XPO6: variants seen among roughly 807,000 people sequenced by gnomAD.
XPO6 encodes the protein exportin-6.
A neutral mutation model predicts 130.0 loss-of-function variants in XPO6; 3 were observed. That is an observed-to-expected ratio of 0.02 (90% confidence interval 0.01 to 0.06). The LOEUF (loss-of-function observed/expected upper bound fraction) is 0.06, where lower values mean the gene tolerates loss of function less well. XPO6 is among the 10% of genes least tolerant of loss of function. XPO6 has a pLI of 1.00. For synonymous variants in XPO6, 524 were observed against 548.9 expected, an observed-to-expected ratio of 0.95 and a Z score of 0.63; for missense variants, 970 against 1,393.0, an observed-to-expected ratio of 0.70 and a Z score of 4.83.
chr16:28,160,185 A>C (rs1333768275), intron 6 of XPO6, among the ~76,000 whole-genome samples: 1 of 380 alleles, frequency 2.6e-3, no homozygotes, highest in Non-Finnish European at 9.4e-3. Flanking sequence ...CCTCCGTCTT[A>C]AAAAAAAAAA....
intron 17 of XPO6, among the ~76,000 whole-genome samples, chr16:28,109,291 TTTTTC>T (rs1309396218): frequency 2.0e-5 from 3 of 150,810 alleles, no homozygotes; most frequent in African/African-American, 7.4e-5. Context: ...ATTAAAACCT[TTTTTC>T]TTTTCTTTTT....
chr16:28,166,626 T>A (rs1051842965), intron 5 of XPO6, 41 bp from the exon 6 acceptor site: 2 of 1,553,778 alleles, frequency 1.3e-6, no homozygotes, highest in Non-Finnish European at 1.7e-6. Context: ...AGAAATAATG[T>A]CCAGCATATA....
At chr16:28,164,723 T>C (rs928443238) in intron 6 of XPO6, among the ~76,000 whole-genome samples, 10 of 152,192 alleles carry the variant, frequency 6.6e-5, no homozygotes, top group Non-Finnish European at 1.0e-4. Flanking sequence ...TAAGCACATA[T>C]CTCTGGTTTG....
In XPO6 at chr16:28,121,700, G is replaced by T; in HGVS notation, c.1829C>A (p.Pro610Gln). The T allele has an allele frequency of 6.2e-7, 1 of 1,613,944 alleles. No homozygotes were observed. Among genetic ancestry groups the T allele is most frequent in the African/African-American group, 1.3e-5 (1 of 75,048 alleles). Residue 610 changes from proline to glutamine, a missense_variant, in exon 14 of 24, where the codon CCA becomes CAA. Coordinates refer to ENST00000304658, the MANE Select transcript of XPO6 (RefSeq NM_015171.4). ...AATGAGGTCAGGTTTCAATACTGAT[G>T]GCACAGCAGTTTCAATGTTGTACAA... is the stretch of plus-strand genomic sequence containing the variant. ...IKLYNIETAV[P>Q]SVLKPDLIDV...
At chr16:28,168,840 C>T (rs1342455935) in intron 5 of XPO6, among the ~76,000 whole-genome samples, 2 of 151,436 alleles carry the variant, frequency 1.3e-5, no homozygotes, top group Non-Finnish European at 2.9e-5. Flanking sequence ...GTCTCAAACT[C>T]CTGGGCTCAA....
chr16:28,131,566 G>A (rs2042669885), intron 12 of XPO6, among the ~76,000 whole-genome samples: 1 of 152,216 alleles, frequency 6.6e-6, no homozygotes, highest in Non-Finnish European at 1.5e-5. Context: ...TCAGATGTTA[G>A]CTATTTCAAC....
intron 5 of XPO6, chr16:28,167,334 C>T: frequency 1.0e-6 from 1 of 985,410 alleles, no homozygotes; most frequent in South Asian, 4.7e-5. Context: ...TTTCGTTCCT[C>T]ATGCAGGAAA....
intron 5 of XPO6, among the ~76,000 whole-genome samples, chr16:28,169,220 A>G (rs1211162156): frequency 6.6e-6 from 1 of 152,122 alleles, no homozygotes; most frequent in East Asian, 1.9e-4. Context: ...TTCCTGTCTC[A>G]TGTTGTGGTT....
At chr16:28,208,656 A>G (rs1395842532) in intron 1 of XPO6, among the ~76,000 whole-genome samples, 1 of 152,216 alleles carries the variant, frequency 6.6e-6, no homozygotes, top group African/African-American at 2.4e-5. Context: ...TTTACAATTC[A>G]TTACTCAAAG....
At chr16:28,175,819 G>A in intron 4 of XPO6, 79 bp downstream of exon 4, 1 of 1,344,020 alleles carries the variant, frequency 7.4e-7, no homozygotes, top group Non-Finnish European at 1.1e-6. Flanking sequence ...AATCTTAAAA[G>A]TCCTCTTCAG....
intron 13 of XPO6, among the ~76,000 whole-genome samples, chr16:28,124,545 T>C (rs950363057): frequency 6.6e-5 from 10 of 152,094 alleles, no homozygotes; most frequent in African/African-American, 2.4e-4. Flanking sequence ...GCGCACAACA[T>C]GTGGACCCAG....
In XPO6 at chr16:28,104,602, T is replaced by C. The variant is rs562867975; in HGVS notation, c.2890A>G (p.Arg964Gly). ...FKSTVLASVQ[R>G]GIAEEQMENE... Reference sequence around the variant, plus strand: ...TCCATCTGCTCCTCAGCGATCCCCCTCTGGACACTGGCCAGCACGGTGGAC... The same window carrying C: ...TCCATCTGCTCCTCAGCGATCCCCCCCTGGACACTGGCCAGCACGGTGGAC... Residue 964 changes from arginine (R) to glycine (G), a missense_variant, in exon 21 of 24, where the codon AGG becomes GGG. Physicochemically the swap from Arg to Gly is moderately radical, Grantham distance 125. Transcript: ENST00000304658. 6 of 1,614,160 alleles carry C rather than the reference T, an allele frequency of 3.7e-6. No homozygotes were observed. The South Asian group carries it at 5.5e-5, about 15-fold the overall frequency.
At chr16:28,104,086 G>A (rs1236769423) in intron 21 of XPO6, among the ~76,000 whole-genome samples, 2 of 152,196 alleles carry the variant, frequency 1.3e-5, no homozygotes, top group Non-Finnish European at 2.9e-5. Context: ...ATGGACAGCT[G>A]CATCTGCCCT....
At chr16:28,107,443 G>C in intron 18 of XPO6, 79 bp downstream of exon 18, 4 of 1,530,556 alleles carry the variant, frequency 2.6e-6, no homozygotes, top group Middle Eastern at 2.1e-4. Context: ...CACCGACTCA[G>C]TGTGTTCTAC....
chr16:28,119,554 A>G (rs1458589952), intron 14 of XPO6, among the ~76,000 whole-genome samples: 3 of 152,142 alleles, frequency 2.0e-5, no homozygotes, highest in African/African-American at 2.4e-5. Flanking sequence ...ACTCTCACAC[A>G]CACACGCACA....
intron 8 of XPO6, among the ~76,000 whole-genome samples, chr16:28,151,327 T>G (rs1181302176): frequency 6.6e-6 from 1 of 152,158 alleles, no homozygotes; most frequent in African/African-American, 2.4e-5. Flanking sequence ...CAGTAAGCAC[T>G]GGAAGCAGCC....
chr16:28,136,440 G>A (rs1747649688), intron 9 of XPO6, among the ~76,000 whole-genome samples: 1 of 152,116 alleles, frequency 6.6e-6, no homozygotes, highest in East Asian at 1.9e-4. Flanking sequence ...GATTGGTCTT[G>A]AAATCCCGAC....
intron 6 of XPO6, among the ~76,000 whole-genome samples, chr16:28,157,249 T>C (rs1453411412): frequency 6.6e-6 from 1 of 151,942 alleles, no homozygotes; most frequent in Non-Finnish European, 1.5e-5. Flanking sequence ...CTGAGGTCAG[T>C]AGTTCAAGAC....
intron 23 of XPO6, among the ~76,000 whole-genome samples, chr16:28,099,585 G>A (rs2086611636): frequency 6.6e-6 from 1 of 152,226 alleles, no homozygotes; most frequent in African/African-American, 2.4e-5. Flanking sequence ...TCCAAGTTCT[G>A]TGAACTGCTC....
Sources: gnomAD v4.1 joint callset for allele counts (sites outside exome capture counted in the v4.1 genomes callset) on GRCh38, gnomAD v4.1.1 for gene constraint, MANE v1.5 for transcripts, NCBI Gene and HGNC (gene_info 2026-07-23, HGNC 2026-07-21) for gene names.